Variants in DBR1 observed in about 807,000 individuals in gnomAD.
DBR1 encodes debranching RNA lariats 1, also known as lariat debranching enzyme.
Under a neutral mutation model 45.9 loss-of-function variants are expected in DBR1, and 33 were observed. That is an observed-to-expected ratio of 0.72 (90% CI 0.55 to 0.96). DBR1 has a LOEUF of 0.96. Ranked by LOEUF, DBR1 falls within the 40% of genes least tolerant of loss-of-function variation. DBR1 has a pLI of 0.00. For missense variants in DBR1, 619 were observed against 667.4 expected (o/e 0.93, Z 0.80); for synonymous variants, 235 against 235.9 (o/e 1.00, Z 0.04).
chr3:138,169,770 A>G (rs539997817), intron 4 of DBR1, among the ~76,000 whole-genome samples: 1 of 152,180 alleles, frequency 6.6e-6, no homozygotes, highest in East Asian at 1.9e-4. Flanking sequence ...CATCCCTACT[A>G]CAAATACAAA....
chr3:138,170,154 T>C lies in DBR1; in HGVS notation c.442A>G (p.Arg148Gly). ...ECPPYNSSTI[R>G]SIYHVRNIEV... ...ATATTTCTCACATGATATATACTCC[T>C]GATTGTAGATGAATTATAAGGGGGG... Residue 148 changes from arginine to glycine, a missense_variant, in exon 4 of 8, where the codon AGG becomes GGG. By Grantham distance (125) the Arg-to-Gly change is moderately radical (BLOSUM62 -2). This residue lies in a region of DBR1 where 430 missense variants were observed against 447.7 expected (regional missense o/e 0.96). Coordinates refer to ENST00000260803, the MANE Select transcript of DBR1 (RefSeq NM_016216.4). 1 of 1,599,486 alleles carries C rather than the reference T, an allele frequency of 6.3e-7. No individual in the cohort carries two copies.
chr3:138,174,014 C>CT (rs1205025395), intron 1 of DBR1, among the ~76,000 whole-genome samples: 4 of 117,618 alleles, frequency 3.4e-5, no homozygotes, highest in Non-Finnish European at 7.2e-5. Flanking sequence ...AAGCGAAACT[C>CT]TGTCTCAAGA....
At position 138,170,091 on chromosome 3, in the gene DBR1, T is replaced by C. The variant is rs1451797253; in HGVS notation, c.489+16A>G. ...TAAAATGTTTTCAAGTCTGCTGTAA[T>C]GCGCTTTTTACGTACCTGTTTTAAT... On this transcript the variant is annotated intron_variant, in intron 4 of 7. Coordinates refer to ENST00000260803, the MANE Select transcript of DBR1 (RefSeq NM_016216.4). 2 of 1,479,466 alleles carry C rather than the reference T, an allele frequency of 1.4e-6. No individual in the cohort carries two copies. The highest frequency in any genetic ancestry group is 2.3e-5 in the East Asian group (1 of 43,886). 91.6% of individuals were successfully genotyped at this position (1,479,466 alleles called of 1,614,324 possible). A position where few individuals can be genotyped will look rare whatever the true frequency, so the allele number is the denominator to read the frequency against.
rs375327831 is a variant in DBR1 at position 138,173,640 on chromosome 3, G to C, written c.198-14C>G. 2.7e-5 allele frequency: 43 copies of C among 1,601,984 alleles called. No individual in the cohort carries two copies. The highest frequency in any genetic ancestry group is 3.4e-5 in the Non-Finnish European group (40 of 1,174,494). On this transcript the variant is annotated splice_polypyrimidine_tract_variant and intron_variant, in intron 1 of 7. Coordinates refer to ENST00000260803, the MANE Select transcript of DBR1 (RefSeq NM_016216.4). Reference sequence around the variant, plus strand: ...CCAGAGTAATACCTAGAACATAAGAGCAAAGTCAGTTACCACAATTAGGCA... The same window carrying C: ...CCAGAGTAATACCTAGAACATAAGACCAAAGTCAGTTACCACAATTAGGCA...
At chr3:138,169,215 G>T (rs916807601) in intron 4 of DBR1, among the ~76,000 whole-genome samples, 1 of 152,206 alleles carries the variant, frequency 6.6e-6, no homozygotes, top group South Asian at 2.1e-4. Context: ...TTACCTGTCT[G>T]AGCCTTGGCT....
rs78739958 is a variant in DBR1 at position 138,174,350 on chromosome 3, A to C, written c.197+249T>G. Reference sequence around the variant, plus strand: ...ATAAGATGTGTATGGAAAGAAGGAAAGTGACATTTCCTAAGCACCTAATGA... The same window carrying C: ...ATAAGATGTGTATGGAAAGAAGGAACGTGACATTTCCTAAGCACCTAATGA... On this transcript the variant is annotated intron_variant, in intron 1 of 7. Coordinates refer to ENST00000260803, the MANE Select transcript of DBR1 (RefSeq NM_016216.4). Among the ~76,000 whole-genome samples the C allele has an allele frequency of 9.2e-3, 1,397 of 152,288 alleles. 23 individuals are homozygous for C. The highest frequency in any genetic ancestry group is 0.032 in the African/African-American group (1,345 of 41,554).
At chr3:138,163,551 T>C (rs2042917525) in intron 6 of DBR1, 57 bp from the exon 7 acceptor site, 3 of 871,968 alleles carry the variant, frequency 3.4e-6, no homozygotes, top group Admixed American at 3.3e-5. Context: ...GTCTAATCAC[T>C]TTAATATAAT....
In DBR1 at chr3:138,167,233, GCTT is replaced by G. The variant is rs1285662314; in HGVS notation, c.559_561del (p.Lys187del). 2 of 1,613,374 alleles carry G rather than the reference GCTT, an allele frequency of 1.2e-6. No homozygotes were observed. On this transcript the variant is annotated inframe_deletion, in exon 5 of 8. Transcript: ENST00000260803. The stretch of plus-strand genomic sequence containing the variant: ...AAAAAAGATTTAGTCTTAAGAAGTT[GCTT>G]CTTATTTCCATAATGATATATACTT...
intron 4 of DBR1, 91 bp downstream of exon 4, chr3:138,170,016 G>C (rs1195129919): frequency 6.3e-6 from 5 of 790,684 alleles, no homozygotes; most frequent in Middle Eastern, 3.5e-4. Context: ...TGCTCTTCTT[G>C]AAAGTAGTAT....
In DBR1 at chr3:138,162,222, T is replaced by C. The variant is rs762908099; in HGVS notation, c.1302A>G (p.Glu434=). The C allele has an allele frequency of 1.2e-6, 2 of 1,614,212 alleles. No individual in the cohort carries two copies. Among genetic ancestry groups the C allele is most frequent in the Admixed American group, 3.3e-5 (2 of 60,030 alleles). ...CACTTACAATACTATCTTCATCTTCTTCTTCATCTAACATTATTTCATCTG... is the reference window on the plus strand; with the variant it reads ...CACTTACAATACTATCTTCATCTTCCTCTTCATCTAACATTATTTCATCTG... ...INPDEIMLDE[E]EDEDSIVSAH... The change falls in exon 8 of 8, where the codon GAA becomes GAG. Residue 434 remains glutamate (E), a synonymous_variant. Transcript: ENST00000260803.
intron 5 of DBR1, among the ~76,000 whole-genome samples, chr3:138,164,878 C>T (rs1453685273): frequency 1.3e-5 from 2 of 152,232 alleles, no homozygotes; most frequent in African/African-American, 4.8e-5. Flanking sequence ...AACTCCTGGC[C>T]TCAAGTGATC....
chr3:138,172,630 A>C (rs2042960493), intron 2 of DBR1, among the ~76,000 whole-genome samples: 1 of 152,164 alleles, frequency 6.6e-6, no homozygotes, highest in Admixed American at 6.6e-5. Context: ...TATAGTTTAT[A>C]GGGGCCAATA....
Position 138,167,207 on chromosome 3 carries a change from G to GA in DBR1, c.587dup (p.Arg197ProfsTer7), listed in dbSNP as rs1307789106. ...ATGTGTTATTTTCCACTTCTTGTCG[G>GA]AAAAAAGATTTAGTCTTAAGAAGTT... On this transcript the variant is annotated frameshift_variant, in exon 5 of 8. Transcript: ENST00000260803. LOFTEE classifies it high-confidence loss of function. 1 of 1,613,160 alleles carries GA rather than the reference G, an allele frequency of 6.2e-7. No individual in the cohort carries two copies. The highest frequency in any genetic ancestry group is 1.7e-5 in the Admixed American group (1 of 59,778).
intron 2 of DBR1, among the ~76,000 whole-genome samples, chr3:138,173,110 G>A (rs2042962701): frequency 6.7e-6 from 1 of 150,368 alleles, no homozygotes; most frequent in African/African-American, 2.4e-5. Context: ...AAAAATCCAG[G>A]AGATTGCAAT....
intron 5 of DBR1, among the ~76,000 whole-genome samples, chr3:138,164,728 C>T (rs1023118598): frequency 1.3e-5 from 2 of 152,206 alleles, no homozygotes; most frequent in Non-Finnish European, 1.5e-5. Flanking sequence ...CTCACGGCAA[C>T]CTCTGCCTCC....
At chr3:138,174,471 T>C in intron 1 of DBR1, 128 bp downstream of exon 1, 1 of 976,596 alleles carries the variant, frequency 1.0e-6, no homozygotes, top group Non-Finnish European at 1.5e-6. Context: ...CACCCCTGTA[T>C]TCAGTTAGGC....
Position 138,174,592 on chromosome 3 carries a change from T to A in DBR1, c.197+7A>T. Reference sequence around the variant, plus strand: ...ACCGCCAAGTCCGGGCCCGGCCGCGTCCTCACCTGTAGAAGGTTTGCATGT... The same window carrying A: ...ACCGCCAAGTCCGGGCCCGGCCGCGACCTCACCTGTAGAAGGTTTGCATGT... On this transcript the variant is annotated splice_region_variant and intron_variant, in intron 1 of 7. Transcript: ENST00000260803. 1 of 1,209,172 alleles carries A rather than the reference T, an allele frequency of 8.3e-7. No individual in the cohort carries two copies. Among genetic ancestry groups the A allele is most frequent in the East Asian group, 4.0e-5 (1 of 24,992 alleles). 74.9% of individuals were successfully genotyped at this position (1,209,172 alleles called of 1,614,324 possible). A position where few individuals can be genotyped will look rare whatever the true frequency, so the allele number is the denominator to read the frequency against.
At position 138,174,708 on chromosome 3, in the gene DBR1, G is replaced by A. The variant is rs1476694425; in HGVS notation, c.88C>T (p.Pro30Ser). The A allele has an allele frequency of 1.4e-5, 23 of 1,612,716 alleles. No individual in the cohort carries two copies. Among genetic ancestry groups the A allele is most frequent in the Admixed American group, 8.3e-5 (5 of 59,920 alleles). ...LALAERRGPG[P>S]VDLLLCCGDF... Reference sequence around the variant, plus strand: ...CCGCAGCACAGCAAGAGGTCGACAGGCCCCGGGCCGCGCCGCTCTGCCAGC... The same window carrying A: ...CCGCAGCACAGCAAGAGGTCGACAGACCCCGGGCCGCGCCGCTCTGCCAGC... The change falls in exon 1 of 8, where the codon CCT (proline) becomes TCT (serine). Residue 30 changes from proline (P) to serine (S), a missense_variant. Coordinates refer to ENST00000260803, the MANE Select transcript of DBR1 (RefSeq NM_016216.4).
At position 138,173,534 on chromosome 3, in the gene DBR1, C is replaced by T. The variant is rs765517502; in HGVS notation, c.290G>A (p.Gly97Asp). The change falls in exon 2 of 8, where the codon GGT becomes GAT. Residue 97 changes from glycine to aspartate, a missense_variant. Physicochemically the swap from Gly to Asp is moderately conservative, Grantham distance 94 (BLOSUM62 -1). This residue lies in a region of DBR1 where 430 missense variants were observed against 447.7 expected (regional missense o/e 0.96). Coordinates refer to ENST00000260803, the MANE Select transcript of DBR1 (RefSeq NM_016216.4). ...ATAAATGTTTGGTGCCACCCAGCCA[C>T]CATAGGGTAACTCTTGCAAATGATT... is the stretch of plus-strand genomic sequence containing the variant. ...ASNHLQELPY[G>D]GWVAPNIYYL... 1.2e-6 allele frequency: 2 copies of T among 1,613,922 alleles called. No individual in the cohort carries two copies. Among genetic ancestry groups the T allele is most frequent in the Non-Finnish European group, 8.5e-7 (1 of 1,179,972 alleles).
Sources: allele counts gnomAD v4.1 joint callset (sites outside exome capture counted in the v4.1 genomes callset), GRCh38; gene constraint gnomAD v4.1.1; regional missense constraint gnomAD v4.1.1; transcripts MANE v1.5; gene names NCBI Gene and HGNC (gene_info 2026-07-23, HGNC 2026-07-21).